MINDY2: variants seen among roughly 807,000 people sequenced by gnomAD.
MINDY2 encodes ubiquitin carboxyl-terminal hydrolase MINDY-2.
A neutral mutation model predicts 68.2 loss-of-function variants in MINDY2; 52 were observed. That is an observed-to-expected ratio of 0.76 (90% CI 0.61 to 0.96). The LOEUF (loss-of-function observed/expected upper bound fraction) is 0.96. MINDY2 is among the 40% of genes least tolerant of loss of function. The pLI is 0.00. For missense variants in MINDY2, 881 were observed against 773.4 expected (o/e 1.14, Z -1.65); for synonymous variants, 372 against 303.0 (o/e 1.23, Z -2.36).
chr15:58,772,452 TAA>T (rs1267306624), intron 1 of MINDY2, among the ~76,000 whole-genome samples: 2 of 152,206 alleles, frequency 1.3e-5, no homozygotes, highest in African/African-American at 4.8e-5. Flanking sequence ...TTGTAGTGTT[TAA>T]GAGTTCAACA....
At chr15:58,838,174 G>A (rs1184206654) in intron 6 of MINDY2, among the ~76,000 whole-genome samples, 3 of 151,624 alleles carry the variant, frequency 2.0e-5, no homozygotes, top group Non-Finnish European at 4.4e-5. Context: ...AAGGCAGGTG[G>A]ATCACTTAAG....
intron 1 of MINDY2, among the ~76,000 whole-genome samples, chr15:58,778,701 C>G (rs1303674858): frequency 1.3e-5 from 2 of 151,306 alleles, no homozygotes; most frequent in African/African-American, 2.4e-5. Flanking sequence ...ATCATGGCTC[C>G]GAATAGCCTC....
At chr15:58,826,930 C>T (rs538577822) in intron 5 of MINDY2, among the ~76,000 whole-genome samples, 153 of 151,912 alleles carry the variant, frequency 1.0e-3, no homozygotes, top group African/African-American at 3.6e-3. Flanking sequence ...TCCTTGCTTC[C>T]TCCCTCCTTT....
At chr15:58,844,588 A>G (rs1282970059) in intron 6 of MINDY2, among the ~76,000 whole-genome samples, 1 of 140,210 alleles carries the variant, frequency 7.1e-6, no homozygotes, top group African/African-American at 2.6e-5. Context: ...AAAAATCTGC[A>G]TTGTTGACAG....
In MINDY2 at chr15:58,847,393, T is replaced by C; in HGVS notation, c.1465T>C (p.Cys489Arg). The C allele has an allele frequency of 6.2e-7, 1 of 1,609,028 alleles. No homozygotes were observed. The highest frequency in any genetic ancestry group is 8.5e-7 in the Non-Finnish European group (1 of 1,176,212). ...LHNVDGDGNF[C>R]DSEFHLRPPS... is the part of the protein sequence containing the mutation. The stretch of plus-strand genomic sequence containing the variant: ...CAACGTAGATGGTGATGGAAATTTC[T>C]GTGACTCAGAATTTCATCTTCGACC... The change falls in exon 7 of 9, where the codon TGT becomes CGT. Residue 489 changes from cysteine (C) to arginine (R), a missense_variant. Transcript: ENST00000559228.
chr15:58,821,308 G>T (rs2031045745), intron 4 of MINDY2, among the ~76,000 whole-genome samples: 1 of 149,344 alleles, frequency 6.7e-6, no homozygotes. Context: ...TGCTTTAAAT[G>T]TGCAACATTT....
intron 4 of MINDY2, among the ~76,000 whole-genome samples, chr15:58,818,379 C>G: frequency 6.6e-6 from 1 of 152,120 alleles, no homozygotes; most frequent in East Asian, 1.9e-4. Flanking sequence ...TCTCAGCTTC[C>G]TGAGTAGCTG....
At chr15:58,793,858 T>C (rs572518114) in intron 2 of MINDY2, among the ~76,000 whole-genome samples, 44 of 152,044 alleles carry the variant, frequency 2.9e-4, no homozygotes, top group Middle Eastern at 3.4e-3. Context: ...AGGTATAAAA[T>C]AATTGGTTAG....
chr15:58,787,999 A>T (rs369638718), intron 2 of MINDY2, 36 bp downstream of exon 2: 18 of 1,480,376 alleles, frequency 1.2e-5, no homozygotes, highest in Non-Finnish European at 1.7e-5. Context: ...ATCTCTTTCA[A>T]AACAAAAGTT....
chr15:58,786,346 T>C lies in MINDY2; in HGVS notation c.841-1560T>C, dbSNP rs184540791. 1.6e-4 allele frequency among the ~76,000 whole-genome samples: 25 copies of C among 152,356 alleles called. No individual in the cohort carries two copies. The East Asian group carries it at 1.9e-3, about 12-fold the overall frequency. Reference sequence around the variant, plus strand: ...TGTTACTATTCTTCTATCACTGATATAGTAATTACTTTGAGTTTCCATCCT... The same window carrying C: ...TGTTACTATTCTTCTATCACTGATACAGTAATTACTTTGAGTTTCCATCCT... On this transcript the variant is annotated intron_variant, in intron 1 of 8. Transcript: ENST00000559228.
intron 2 of MINDY2, among the ~76,000 whole-genome samples, chr15:58,792,460 G>A (rs944841849): frequency 2.0e-4 from 31 of 152,176 alleles, no homozygotes; most frequent in African/African-American, 7.5e-4. Flanking sequence ...ATAAAAATTA[G>A]CCGGGCGTGG....
chr15:58,854,606 T>C lies in MINDY2; in HGVS notation c.1862T>C (p.Leu621Ser). Residue 621 changes from leucine to serine, a missense_variant, in exon 9 of 9, where the codon TTG becomes TCG. Physicochemically the swap from Leu to Ser is moderately radical, Grantham distance 145 (BLOSUM62 -2). Coordinates refer to ENST00000559228, the MANE Select transcript of MINDY2 (RefSeq NM_001040450.3). ...AAGGAAAAAAATAGCTGTGTTATTT[T>C]GTAACAAGTGTTGGCTTCTGTTGGA... is the stretch of plus-strand genomic sequence containing the variant. ...KEKEKNSCVIL is the reference protein window; with the variant it reads ...KEKEKNSCVIS 2 of 1,606,414 alleles carry C rather than the reference T, an allele frequency of 1.2e-6. No individual in the cohort carries two copies. The highest frequency in any genetic ancestry group is 4.5e-5 in the East Asian group (2 of 44,838).
intron 2 of MINDY2, among the ~76,000 whole-genome samples, chr15:58,794,245 A>T (rs1207898696): frequency 6.6e-6 from 1 of 152,048 alleles, no homozygotes; most frequent in African/African-American, 2.4e-5. Flanking sequence ...AATGAGATTA[A>T]TGGATTGTAG....
intron 1 of MINDY2, among the ~76,000 whole-genome samples, chr15:58,779,062 ATT>A (rs10718322): frequency 2.1e-4 from 30 of 142,030 alleles, no homozygotes; most frequent in Admixed American, 1.4e-3. Flanking sequence ...GTGCCCAACC[ATT>A]TTTTTTTTTT....
rs528750522 is a variant in MINDY2, at chr15:58,795,744, A to G, written c.899-6569A>G. ...TTTGTACTGTGGCCCTTTGAAGGCT[A>G]TAAACCATTATAGTGTCTAAGTTTT... On this transcript the variant is annotated intron_variant, in intron 2 of 8. Coordinates refer to ENST00000559228, the MANE Select transcript of MINDY2 (RefSeq NM_001040450.3). 2.6e-5 allele frequency among the ~76,000 whole-genome samples: 4 copies of G among 151,764 alleles called. No homozygotes were observed. In the South Asian group the frequency reaches 6.2e-4, roughly 24 times the overall value.
chr15:58,838,329 C>T (rs563911394), intron 6 of MINDY2, among the ~76,000 whole-genome samples: 4 of 151,154 alleles, frequency 2.6e-5, no homozygotes, highest in Non-Finnish European at 4.4e-5. Flanking sequence ...ATCCAGGAGG[C>T]GGAGGTTGTA....
intron 2 of MINDY2, among the ~76,000 whole-genome samples, chr15:58,798,053 C>G (rs1902399138): frequency 6.6e-6 from 1 of 152,138 alleles, no homozygotes; most frequent in Admixed American, 6.6e-5. Context: ...CCTCTTACAC[C>G]TCTACAATCC....
chr15:58,834,350 G>A (rs564558769), intron 6 of MINDY2, among the ~76,000 whole-genome samples: 1 of 152,166 alleles, frequency 6.6e-6, no homozygotes, highest in African/African-American at 2.4e-5. Context: ...CTTTTTGCCT[G>A]TCCCAATTTT....
chr15:58,828,947 TATTATC>T (rs1567065502), intron 5 of MINDY2, among the ~76,000 whole-genome samples: 1 of 152,216 alleles, frequency 6.6e-6, no homozygotes, highest in Non-Finnish European at 1.5e-5. Flanking sequence ...AATAATACTC[TATTATC>T]ATTAAGTTTT....
Sources: allele counts gnomAD v4.1 joint callset (sites outside exome capture counted in the v4.1 genomes callset), GRCh38; gene constraint gnomAD v4.1.1; transcripts MANE v1.5; gene names NCBI Gene and HGNC (gene_info 2026-07-23, HGNC 2026-07-21).